Variants in ADCY2 observed in about 807,000 individuals in gnomAD.
ADCY2 encodes adenylate cyclase 2.
Under a neutral mutation model 125.2 loss-of-function variants are expected in ADCY2, and 31 were observed. The ratio of observed to expected loss-of-function variants is 0.25; its 90% CI spans 0.19 to 0.33. The LOEUF (loss-of-function observed/expected upper bound fraction) is 0.33. Ranked by LOEUF, ADCY2 falls within the 10% of genes least tolerant of loss-of-function variation. ADCY2 has a pLI of 1.00. For synonymous variants in ADCY2, 512 were observed against 548.4 expected (o/e 0.93, Z 0.93); for missense variants, 904 against 1,418.2 (o/e 0.64, Z 5.82).
intron 3 of ADCY2, among the ~76,000 whole-genome samples, chr5:7,552,751 C>T (rs1735379636): frequency 6.6e-6 from 1 of 152,110 alleles, no homozygotes; most frequent in Non-Finnish European, 1.5e-5. Flanking sequence ...GCCTTATTAA[C>T]TTTTAGGAGA....
At position 7,435,643 on chromosome 5, in the gene ADCY2, T is replaced by C. The variant is rs565123592; in HGVS notation, c.408+20873T>C. Among the ~76,000 whole-genome samples, 8 of 152,346 alleles carry C rather than the reference T, an allele frequency of 5.3e-5. No homozygotes were observed. The South Asian group carries it at 1.7e-3, about 32-fold the overall frequency. On this transcript the variant is annotated intron_variant, in intron 2 of 24. Transcript: ENST00000338316. ...CATGGCCCTGAGAGTAGTTGGAGAATGTGTTGACTATTAAAATACCAGCTT... is the reference window on the plus strand; with the variant it reads ...CATGGCCCTGAGAGTAGTTGGAGAACGTGTTGACTATTAAAATACCAGCTT...
At chr5:7,580,209 C>T (rs1736383322) in intron 3 of ADCY2, among the ~76,000 whole-genome samples, 1 of 151,934 alleles carries the variant, frequency 6.6e-6, no homozygotes, top group Non-Finnish European at 1.5e-5. Context: ...TTGGAATACA[C>T]CCATGTAAAA....
At chr5:7,710,641 T>C (rs1304783441) in intron 10 of ADCY2, among the ~76,000 whole-genome samples, 1 of 152,118 alleles carries the variant, frequency 6.6e-6, no homozygotes, top group Non-Finnish European at 1.5e-5. Context: ...TGGAGCATCA[T>C]GAACAATGAG....
chr5:7,820,746 C>A, intron 24 of ADCY2, 57 bp downstream of exon 24: 2 of 1,548,628 alleles, frequency 1.3e-6, no homozygotes, highest in South Asian at 2.5e-5. Flanking sequence ...CTCTTGGGAA[C>A]CATAAATAAG....
chr5:7,439,181 G>A (rs1365961419), intron 2 of ADCY2, among the ~76,000 whole-genome samples: 1 of 152,132 alleles, frequency 6.6e-6, no homozygotes, highest in Non-Finnish European at 1.5e-5. Flanking sequence ...GTATTAGTCT[G>A]TTCTCACACT....
chr5:7,522,953 A>C (rs942504861), intron 3 of ADCY2, among the ~76,000 whole-genome samples: 4 of 151,854 alleles, frequency 2.6e-5, no homozygotes, highest in Non-Finnish European at 1.5e-5. Context: ...AAACAAAGAA[A>C]TGAGAAAACA....
chr5:7,591,371 A>G (rs1736845429), intron 3 of ADCY2, among the ~76,000 whole-genome samples: 1 of 152,208 alleles, frequency 6.6e-6, no homozygotes, highest in Non-Finnish European at 1.5e-5. Flanking sequence ...TAATGATCAC[A>G]TTTATGATTC....
chr5:7,401,491 A>C (rs938975888), intron 1 of ADCY2, among the ~76,000 whole-genome samples: 1 of 152,216 alleles, frequency 6.6e-6, no homozygotes. Context: ...ACTGATATGA[A>C]CAGCCTCAAT....
intron 23 of ADCY2, among the ~76,000 whole-genome samples, chr5:7,819,979 C>T (rs2126540463): frequency 6.6e-6 from 1 of 152,338 alleles, no homozygotes; most frequent in African/African-American, 2.4e-5. Flanking sequence ...CTGACAGATG[C>T]AAGGCTGGAA....
chr5:7,749,587 C>A (rs139321379), intron 15 of ADCY2, among the ~76,000 whole-genome samples: 1 of 152,152 alleles, frequency 6.6e-6, no homozygotes, highest in Non-Finnish European at 1.5e-5. Flanking sequence ...CTGAGGCAGA[C>A]TTACCTTTCT....
At chr5:7,579,364 A>G (rs990730387) in intron 3 of ADCY2, among the ~76,000 whole-genome samples, 2 of 152,236 alleles carry the variant, frequency 1.3e-5, no homozygotes, top group African/African-American at 4.8e-5. Context: ...TACTACTGGA[A>G]GAAAGAGTTC....
At chr5:7,435,611 G>A (rs934725297) in intron 2 of ADCY2, among the ~76,000 whole-genome samples, 17 of 152,148 alleles carry the variant, frequency 1.1e-4, no homozygotes, top group African/African-American at 4.1e-4. Flanking sequence ...AGTTCCAATT[G>A]GAAAATCATG....
At chr5:7,507,205 G>A (rs1289802256) in intron 2 of ADCY2, among the ~76,000 whole-genome samples, 3 of 148,980 alleles carry the variant, frequency 2.0e-5, no homozygotes, top group African/African-American at 7.4e-5. Flanking sequence ...ACTTTGGGAG[G>A]CCGAGGCGGG....
intron 16 of ADCY2, among the ~76,000 whole-genome samples, chr5:7,763,645 G>T (rs1311871653): frequency 6.6e-6 from 1 of 151,976 alleles, no homozygotes; most frequent in East Asian, 1.9e-4. Flanking sequence ...CCTATTCTAG[G>T]GACCTCACAT....
chr5:7,695,905 C>G, intron 6 of ADCY2, 42 bp downstream of exon 6: 1 of 1,425,498 alleles, frequency 7.0e-7, no homozygotes, highest in Non-Finnish European at 9.7e-7. Context: ...GATTTCTAAA[C>G]TCTTGGTTTC....
intron 24 of ADCY2, 54 bp downstream of exon 24, chr5:7,820,743 G>A (rs1425898042): frequency 1.3e-6 from 2 of 1,560,010 alleles, no homozygotes; most frequent in Non-Finnish European, 1.7e-6. Context: ...GTTCTCTTGG[G>A]AACCATAAAT....
rs777203162 is a variant in ADCY2 at position 7,789,671 on chromosome 5, A to G, written c.2499A>G (p.Leu833=). Residue 833 remains leucine (L), a synonymous_variant, in exon 20 of 25, where the codon TTA becomes TTG. Coordinates refer to ENST00000338316, the MANE Select transcript of ADCY2 (RefSeq NM_020546.3). ...QNEYYCRLDF[L]WKNKFKKERE... is the part of the protein sequence containing the mutation. ...AATATTACTGTAGGTTAGACTTCTTATGGAAGAACAAATTCAAAAAAGAGC... is the reference window on the plus strand; with the variant it reads ...AATATTACTGTAGGTTAGACTTCTTGTGGAAGAACAAATTCAAAAAAGAGC... 6.2e-7 allele frequency: 1 copy of G among 1,614,048 alleles called. No individual in the cohort carries two copies. The highest frequency in any genetic ancestry group is 8.5e-7 in the Non-Finnish European group (1 of 1,179,986).
rs547634502 is a variant in ADCY2 at position 7,656,267 on chromosome 5, T to A, written c.720+29951T>A. ...CGGGGTTTCACCATGTTTGTCAGGC[T>A]GGTCTCGAACTCCTGACCTCAGGTG... On this transcript the variant is annotated intron_variant, in intron 4 of 24. Transcript: ENST00000338316. 2.5e-3 allele frequency among the ~76,000 whole-genome samples: 376 copies of A among 152,282 alleles called. 2 individuals are homozygous for A. The highest frequency in any genetic ancestry group is 5.2e-3 in the South Asian group (25 of 4,818).
intron 4 of ADCY2, among the ~76,000 whole-genome samples, chr5:7,651,728 T>G (rs1299742667): frequency 1.3e-5 from 2 of 152,196 alleles, no homozygotes; most frequent in Admixed American, 1.3e-4. Flanking sequence ...TCCAATCAAG[T>G]TGACACTCAG....
Sources: gnomAD v4.1 joint callset for allele counts (sites outside exome capture counted in the v4.1 genomes callset) on GRCh38, gnomAD v4.1.1 for gene constraint, MANE v1.5 for transcripts, NCBI Gene and HGNC (gene_info 2026-07-23, HGNC 2026-07-21) for gene names.